The following CCDC66 variants were observed in gnomAD, a reference collection of about 807,000 sequenced individuals.
The protein encoded by CCDC66 is coiled-coil domain-containing protein 66.
Under a neutral mutation model 128.3 loss-of-function variants are expected in CCDC66, and 133 were observed. The observed-to-expected ratio is 1.04, with a 90% CI of 0.90 to 1.20. The LOEUF (loss-of-function observed/expected upper bound fraction) is 1.20. Ranked by LOEUF, CCDC66 falls within the 50% of genes most tolerant of loss-of-function variation. The pLI is 0.00. For synonymous variants in CCDC66, 387 were observed against 357.0 expected (o/e 1.08, Z -0.95); for missense variants, 1,126 against 1,075.5 (o/e 1.05, Z -0.66).
chr3:56,558,714 G>A (rs1280379505), intron 1 of CCDC66, 132 bp from the exon 2 acceptor site: 1 of 731,742 alleles, frequency 1.4e-6, no homozygotes, highest in African/African-American at 1.7e-5. Flanking sequence ...TAAAACACTG[G>A]TTCGATGTGT....
At chr3:56,613,922 G>A (rs950924696) in intron 11 of CCDC66, among the ~76,000 whole-genome samples, 172 bp downstream of exon 11, 3 of 152,076 alleles carry the variant, frequency 2.0e-5, no homozygotes, top group Non-Finnish European at 4.4e-5. Flanking sequence ...AGGGACTACA[G>A]GCACGTACCA....
At chr3:56,562,844 A>G (rs1056868510) in intron 3 of CCDC66, among the ~76,000 whole-genome samples, 12 of 149,594 alleles carry the variant, frequency 8.0e-5, no homozygotes, top group African/African-American at 3.0e-4. Flanking sequence ...ATGGTGTTTT[A>G]CCTTGTTGGC....
chr3:56,567,803 C>T (rs145944566), intron 6 of CCDC66, among the ~76,000 whole-genome samples: 11 of 152,190 alleles, frequency 7.2e-5, no homozygotes, highest in African/African-American at 2.4e-4. Flanking sequence ...CGCCATTCTG[C>T]CTCAGCCTCC....
At chr3:56,568,955 C>G (rs1386574056) in intron 6 of CCDC66, among the ~76,000 whole-genome samples, 4 of 152,200 alleles carry the variant, frequency 2.6e-5, no homozygotes, top group African/African-American at 9.7e-5. Context: ...AATAGCTATG[C>G]TAAAGGCATG....
chr3:56,613,461 T>C (rs2075113268), intron 10 of CCDC66, 128 bp from the exon 11 acceptor site: 4 of 921,106 alleles, frequency 4.3e-6, no homozygotes, highest in Admixed American at 2.9e-5. Context: ...AGTATGATTG[T>C]CTACTCATTA....
chr3:56,585,067 CAGAGGGAGACAGTGGAAAGAGAGGG>C (rs560331800), intron 7 of CCDC66, among the ~76,000 whole-genome samples: 1,644 of 140,930 alleles, frequency 0.012, 31 homozygotes, highest in African/African-American at 0.041. Context: ...GGCTCGGCAT[CAGAGGGAGACAGTGGAAAGAGAGGG>C]AGAGGGAGAC....
chr3:56,619,455 A>G lies in CCDC66; in HGVS notation c.2563A>G (p.Ile855Val). 1 of 1,614,054 alleles carries G rather than the reference A, an allele frequency of 6.2e-7. No homozygotes were observed. The highest frequency in any genetic ancestry group is 8.5e-7 in the Non-Finnish European group (1 of 1,179,972). Residue 855 changes from isoleucine to valine, a missense_variant, in exon 16 of 18, where the codon ATC (isoleucine) becomes GTC (valine). By Grantham distance (29) the Ile-to-Val change is conservative. Transcript: ENST00000394672. ...TATTCCGTATGTTCGAACAAATGAG[A>G]TCTATTACCTTGATCCCGATGCACC... ...HFIPYVRTNE[I>V]YYLDPDAPLS...
intron 7 of CCDC66, 160 bp downstream of exon 7, chr3:56,571,462 A>G (rs1444060319): frequency 4.4e-6 from 2 of 458,806 alleles, no homozygotes; most frequent in South Asian, 2.6e-5. Context: ...GCTCACTGCA[A>G]CCTACCCCTC....
In CCDC66 at chr3:56,615,950, AT is replaced by A. The variant is rs1191062420; in HGVS notation, c.1741del (p.Ser581LeufsTer17). On this transcript the variant is annotated frameshift_variant, in exon 13 of 18. Coordinates refer to ENST00000394672, the MANE Select transcript of CCDC66 (RefSeq NM_001141947.3). LOFTEE classifies it high-confidence loss of function. ...ATACAATACAAATGGAATATAATGCATCTAACATTTCAAATTCAAGACATGA... is the reference window on the plus strand; with the variant it reads ...ATACAATACAAATGGAATATAATGCACTAACATTTCAAATTCAAGACATGA... The part of the protein sequence containing the change: ...VDTIQMEYNA[S>X]NISNSRHDSD... The A allele has an allele frequency of 3.0e-5, 48 of 1,599,070 alleles. No individual in the cohort carries two copies. Among genetic ancestry groups the A allele is most frequent in the Non-Finnish European group, 4.0e-5 (47 of 1,171,902 alleles).
chr3:56,605,263 T>G (rs1276357902), intron 10 of CCDC66, among the ~76,000 whole-genome samples: 1 of 152,094 alleles, frequency 6.6e-6, no homozygotes, highest in Admixed American at 6.5e-5. Flanking sequence ...TTCTGAAGCC[T>G]TCTTCTGTCA....
intron 10 of CCDC66, among the ~76,000 whole-genome samples, chr3:56,610,918 A>C (rs1022905174): frequency 3.3e-5 from 5 of 152,000 alleles, no homozygotes; most frequent in Non-Finnish European, 7.4e-5. Context: ...GCTTATGTGA[A>C]CTGTCTGTGG....
At chr3:56,595,903 T>C (rs979146939) in intron 10 of CCDC66, among the ~76,000 whole-genome samples, 3 of 152,200 alleles carry the variant, frequency 2.0e-5, no homozygotes, top group African/African-American at 7.2e-5. Flanking sequence ...GTTTTTGTCT[T>C]TTGGTATGTT....
chr3:56,597,679 A>G (rs2072256863), intron 10 of CCDC66, among the ~76,000 whole-genome samples: 1 of 151,586 alleles, frequency 6.6e-6, no homozygotes, highest in South Asian at 2.1e-4. Flanking sequence ...GTGTATAGAA[A>G]TGCTACTGAT....
intron 10 of CCDC66, among the ~76,000 whole-genome samples, chr3:56,595,855 G>A (rs887641376): frequency 2.0e-5 from 3 of 152,148 alleles, no homozygotes; most frequent in Admixed American, 6.6e-5. Flanking sequence ...CAATGTATAA[G>A]GATTCCCTTT....
At chr3:56,575,352 C>T (rs980506356) in intron 7 of CCDC66, among the ~76,000 whole-genome samples, 5 of 151,820 alleles carry the variant, frequency 3.3e-5, no homozygotes, top group Admixed American at 6.6e-5. Context: ...TGATGTGGAA[C>T]ATTTTCCCAC....
rs528528102 is a variant in CCDC66, at chr3:56,599,678, T to C, written c.1404+5650T>C. ...AGCATGTGGTTTAATTTCTATTTAT[T>C]GGTACAGTTGCCAGTGTTCCTCTCA... On this transcript the variant is annotated intron_variant, in intron 10 of 17. Transcript: ENST00000394672. Among the ~76,000 whole-genome samples the C allele has an allele frequency of 1.6e-3, 241 of 152,188 alleles. 8 individuals carry two copies. The highest frequency in any genetic ancestry group is 5.6e-3 in the African/African-American group (233 of 41,450).
At chr3:56,597,608 C>G (rs1308796544) in intron 10 of CCDC66, among the ~76,000 whole-genome samples, 2 of 151,418 alleles carry the variant, frequency 1.3e-5, no homozygotes, top group African/African-American at 4.9e-5. Flanking sequence ...AAATTTATTC[C>G]TAGATATTTT....
Position 56,617,549 on chromosome 3 carries a change from T to G in CCDC66, c.2281T>G (p.Phe761Val). 6.2e-7 allele frequency: 1 copy of G among 1,609,910 alleles called. No individual in the cohort carries two copies. The highest frequency in any genetic ancestry group is 1.1e-5 in the South Asian group (1 of 89,780). ...SQNRGISPEI[F>V]HSSHQETESK... The stretch of plus-strand genomic sequence containing the variant: ...AAACAGAGGCATTTCACCAGAAATT[T>G]TTCATTCATCTCATCAAGAAACGGA... Residue 761 changes from phenylalanine (F) to valine (V), a missense_variant, in exon 14 of 18, where the codon TTT becomes GTT. Physicochemically the swap from Phe to Val is conservative, Grantham distance 50 (BLOSUM62 -1). Transcript: ENST00000394672.
intron 10 of CCDC66, among the ~76,000 whole-genome samples, chr3:56,608,572 G>T (rs1004603552): frequency 2.0e-5 from 2 of 99,764 alleles, no homozygotes; most frequent in African/African-American, 6.9e-5. Flanking sequence ...CAAAGAACCA[G>T]CTTTTTGTTT....
Sources: allele counts gnomAD v4.1 joint callset (sites outside exome capture counted in the v4.1 genomes callset), GRCh38; gene constraint gnomAD v4.1.1; transcripts MANE v1.5; gene names NCBI Gene and HGNC (gene_info 2026-07-23, HGNC 2026-07-21).